The following MGMT variants were observed in gnomAD, a reference collection of about 807,000 sequenced individuals.
MGMT encodes the protein methylated-DNA--protein-cysteine methyltransferase.
Under a neutral mutation model 15.9 loss-of-function variants are expected in MGMT, and 14 were observed. That is an observed-to-expected ratio of 0.88 (90% CI 0.58 to 1.37). MGMT has a LOEUF of 1.37. Ranked by LOEUF, MGMT falls within the 40% of genes most tolerant of loss-of-function variation. The pLI is 0.00. For synonymous variants in MGMT, 130 were observed against 118.2 expected (o/e 1.10, Z -0.65); for missense variants, 282 against 268.1 (o/e 1.05, Z -0.36).
chr10:129,657,828 G>T (rs1302119704), intron 2 of MGMT, among the ~76,000 whole-genome samples: 1 of 151,990 alleles, frequency 6.6e-6, no homozygotes, highest in East Asian at 1.9e-4. Flanking sequence ...TGAGGCCCCC[G>T]TTGTCATGGA....
At chr10:129,511,573 A>G (rs1488030553) in intron 1 of MGMT, among the ~76,000 whole-genome samples, 1 of 152,248 alleles carries the variant, frequency 6.6e-6, no homozygotes, top group Non-Finnish European at 1.5e-5. Context: ...CACCCAAAGT[A>G]GTTGCGTTAA....
intron 4 of MGMT, among the ~76,000 whole-genome samples, chr10:129,759,637 G>A (rs1004064247): frequency 2.6e-5 from 4 of 152,150 alleles, no homozygotes; most frequent in African/African-American, 7.2e-5. Flanking sequence ...AGCGGGCAGA[G>A]GGTGCCCCAC....
At chr10:129,515,000 G>C (rs1475446187) in intron 1 of MGMT, among the ~76,000 whole-genome samples, 2 of 152,164 alleles carry the variant, frequency 1.3e-5, no homozygotes, top group Non-Finnish European at 2.9e-5. Context: ...CAGGTATTGG[G>C]GGTCATTGGA....
chr10:129,716,590 C>T (rs1325885972), intron 3 of MGMT, among the ~76,000 whole-genome samples: 1 of 152,178 alleles, frequency 6.6e-6, no homozygotes, highest in Non-Finnish European at 1.5e-5. Flanking sequence ...ACTGCTTGCC[C>T]AAGACATATA....
At chr10:129,507,758 T>C (rs1019520611) in intron 1 of MGMT, among the ~76,000 whole-genome samples, 1 of 152,222 alleles carries the variant, frequency 6.6e-6, no homozygotes, top group South Asian at 2.1e-4. Flanking sequence ...CGCGCACTGC[T>C]GTGTTTGCCA....
intron 2 of MGMT, among the ~76,000 whole-genome samples, chr10:129,695,653 G>C (rs1848022153): frequency 6.6e-6 from 1 of 152,210 alleles, no homozygotes; most frequent in African/African-American, 2.4e-5. Context: ...ATTAGGGGTA[G>C]GTACATCTTA....
chr10:129,570,741 A>G (rs780946692), intron 2 of MGMT, among the ~76,000 whole-genome samples: 31 of 152,188 alleles, frequency 2.0e-4, no homozygotes, highest in Non-Finnish European at 3.8e-4. Flanking sequence ...GCGAGTATTG[A>G]GGGAAAAATT....
chr10:129,583,804 G>C (rs1298511738), intron 2 of MGMT, among the ~76,000 whole-genome samples: 1 of 152,192 alleles, frequency 6.6e-6, no homozygotes, highest in Non-Finnish European at 1.5e-5. Context: ...CATTGCATCT[G>C]ACTGCCATGT....
chr10:129,681,830 A>G (rs1432798904), intron 2 of MGMT, among the ~76,000 whole-genome samples: 1 of 152,226 alleles, frequency 6.6e-6, no homozygotes, highest in African/African-American at 2.4e-5. Context: ...TGTATTTGCA[A>G]ATCCCATATC....
chr10:129,485,006 AAAAT>A (rs1428657904), intron 1 of MGMT, among the ~76,000 whole-genome samples: 13 of 151,948 alleles, frequency 8.6e-5, no homozygotes, highest in Admixed American at 8.5e-4. Flanking sequence ...ATATATATGA[AAAAT>A]AAGGCAGCTC....
intron 2 of MGMT, among the ~76,000 whole-genome samples, chr10:129,671,619 A>G (rs1847724782): frequency 2.6e-5 from 4 of 152,202 alleles, no homozygotes; most frequent in Non-Finnish European, 5.9e-5. Context: ...TAGATTTCAA[A>G]ATGTGATGGA....
intron 2 of MGMT, among the ~76,000 whole-genome samples, chr10:129,602,364 T>G (rs1334727453): frequency 2.0e-5 from 3 of 152,224 alleles, no homozygotes; most frequent in African/African-American, 7.2e-5. Flanking sequence ...GAGCTTAAAA[T>G]TAATATAAGT....
Position 129,529,510 on chromosome 10 carries a change from C to T in MGMT, c.-12-6731C>T, listed in dbSNP as rs58206556. On this transcript the variant is annotated intron_variant, in intron 1 of 4. Transcript: ENST00000651593. ...GTAACGCTGGCTCACCCGCTGCTTA[C>T]CTCCTCCTCTGTGGCCCGTTTCCTA... 7.1e-3 allele frequency among the ~76,000 whole-genome samples: 1,084 copies of T among 152,284 alleles called. 14 individuals are homozygous for T. The highest frequency in any genetic ancestry group is 0.038 in the South Asian group (182 of 4,816).
chr10:129,485,319 T>C (rs187207175), intron 1 of MGMT, among the ~76,000 whole-genome samples: 1 of 152,190 alleles, frequency 6.6e-6, no homozygotes, highest in Non-Finnish European at 1.5e-5. Flanking sequence ...CTCCCCACTT[T>C]GGTGAGAGCA....
intron 2 of MGMT, among the ~76,000 whole-genome samples, chr10:129,704,431 A>AAGGGTACTGGGCTGAATG (rs1848135484): frequency 2.0e-5 from 3 of 151,986 alleles, no homozygotes; most frequent in Admixed American, 1.3e-4. Flanking sequence ...CCTGTGTATT[A>AAGGGTACTGGGCTGAATG]AGGGTACTGG....
At chr10:129,745,044 G>A (rs916527172) in intron 3 of MGMT, among the ~76,000 whole-genome samples, 2 of 152,106 alleles carry the variant, frequency 1.3e-5, no homozygotes, top group Non-Finnish European at 2.9e-5. Flanking sequence ...GGAGCCCTCC[G>A]TGGTGACAGC....
chr10:129,546,766 C>T (rs1450868877), intron 2 of MGMT, among the ~76,000 whole-genome samples: 4 of 152,172 alleles, frequency 2.6e-5, no homozygotes, highest in Non-Finnish European at 4.4e-5. Context: ...TCTTCAGGCC[C>T]TGAACGTAAG....
intron 1 of MGMT, among the ~76,000 whole-genome samples, chr10:129,530,164 A>C (rs1405376267): frequency 6.6e-6 from 1 of 152,148 alleles, no homozygotes; most frequent in Non-Finnish European, 1.5e-5. Context: ...CGGCCTGCCA[A>C]AGTTCTGGGA....
intron 3 of MGMT, among the ~76,000 whole-genome samples, chr10:129,746,080 A>G (rs1419664240): frequency 6.6e-6 from 1 of 151,958 alleles, no homozygotes; most frequent in South Asian, 2.1e-4. Context: ...CTAAAAAAAT[A>G]CAAAAAAAAT....
Sources: gnomAD v4.1 joint callset for allele counts (sites outside exome capture counted in the v4.1 genomes callset) on GRCh38, gnomAD v4.1.1 for gene constraint, MANE v1.5 for transcripts, NCBI Gene and HGNC (gene_info 2026-07-23, HGNC 2026-07-21) for gene names.